The following SETD5 variants were observed in gnomAD, a reference collection of about 807,000 sequenced individuals.
The protein encoded by SETD5 is histone-lysine N-methyltransferase SETD5.
SETD5 carries 44 observed loss-of-function variants against 153.3 expected under a neutral mutation model. The observed-to-expected ratio is 0.29, with a 90% confidence interval of 0.23 to 0.37. The LOEUF (loss-of-function observed/expected upper bound fraction) is 0.37, where lower values mean the gene tolerates loss of function less well. Ranked by LOEUF, SETD5 falls within the 10% of genes least tolerant of loss-of-function variation. The probability of loss-of-function intolerance (pLI) is 1.00; values close to 1 mark genes in which losing one functional copy is unlikely to be tolerated. For missense variants in SETD5, 1,544 were observed against 1,768.0 expected, an observed-to-expected ratio of 0.87 and a Z score of 2.27; for synonymous variants, 716 against 645.2, an observed-to-expected ratio of 1.11 and a Z score of -1.66.
At chr3:9,415,593 T>A (rs2037293397) in intron 1 of SETD5, among the ~76,000 whole-genome samples, 1 of 152,090 alleles carries the variant, frequency 6.6e-6, no homozygotes, top group Non-Finnish European at 1.5e-5. Context: ...ATTATTTTTT[T>A]AATTTTAGAG....
At chr3:9,454,650 A>AAAAAAAAAAAAC (rs2043017893) in intron 17 of SETD5, among the ~76,000 whole-genome samples, 1 of 119,860 alleles carries the variant, frequency 8.3e-6, no homozygotes, top group Non-Finnish European at 1.8e-5. Context: ...AAAAAAAAAA[A>AAAAAAAAAAAAC]CAAATTTTTT....
intron 1 of SETD5, among the ~76,000 whole-genome samples, chr3:9,418,147 A>G (rs948451954): frequency 2.7e-5 from 4 of 149,938 alleles, no homozygotes; most frequent in African/African-American, 9.8e-5. Flanking sequence ...ACGGAGTTTC[A>G]CCGTGTTAGC....
At chr3:9,404,394 T>C (rs1483939335) in intron 1 of SETD5, among the ~76,000 whole-genome samples, 7 of 152,236 alleles carry the variant, frequency 4.6e-5, no homozygotes. Context: ...GATATAATAT[T>C]TCGACCAAAA....
At chr3:9,405,312 G>T (rs2035480466) in intron 1 of SETD5, among the ~76,000 whole-genome samples, 1 of 152,134 alleles carries the variant, frequency 6.6e-6, no homozygotes, top group Admixed American at 6.5e-5. Context: ...ATTTGTTTTG[G>T]AAAATACTAA....
intron 1 of SETD5, among the ~76,000 whole-genome samples, chr3:9,400,015 C>G (rs925974161): frequency 6.6e-6 from 1 of 152,138 alleles, no homozygotes; most frequent in Non-Finnish European, 1.5e-5. Context: ...AGTGCAGCGT[C>G]CATTAATGCT....
At chr3:9,474,957 A>G (rs2045704979) in intron 21 of SETD5, 111 bp from the exon 22 acceptor site, 5 of 948,406 alleles carry the variant, frequency 5.3e-6, no homozygotes, top group African/African-American at 5.0e-5. Context: ...ATTTGTCACA[A>G]AGAGAGCAGT....
At chr3:9,409,274 G>A (rs1167129004) in intron 1 of SETD5, among the ~76,000 whole-genome samples, 1 of 151,866 alleles carries the variant, frequency 6.6e-6, no homozygotes, top group Admixed American at 6.6e-5. Flanking sequence ...ATTTTTATTT[G>A]GCTATACTAA....
intron 1 of SETD5, among the ~76,000 whole-genome samples, chr3:9,411,529 G>C (rs556768547): frequency 2.6e-5 from 4 of 152,314 alleles, no homozygotes; most frequent in African/African-American, 9.6e-5. Context: ...TAGTGATTAA[G>C]AATGTGAGGA....
Position 9,476,020 on chromosome 3 carries a change from G to A in SETD5, c.4258G>A (p.Gly1420Arg). 1.9e-6 allele frequency: 3 copies of A among 1,614,044 alleles called. No individual in the cohort carries two copies. Among genetic ancestry groups the A allele is most frequent in the East Asian group, 2.2e-5 (1 of 44,880 alleles). The part of the protein sequence containing the change: ...NSQHYPHRGS[G>R]GVHQYRLQPL... ...ACAGCACTACCCACACCGTGGGAGT[G>A]GGGGTGTGCACCAGTACCGACTCCA... The change falls in exon 23 of 23, where the codon GGG (glycine) becomes AGG (arginine). Residue 1420 changes from glycine (G) to arginine (R), a missense_variant. This residue lies in a region of SETD5 where 302 missense variants were observed against 277.6 expected (regional missense o/e 1.09). Transcript: ENST00000402198.
chr3:9,408,705 C>G (rs1461886245), intron 1 of SETD5, among the ~76,000 whole-genome samples: 5 of 152,080 alleles, frequency 3.3e-5, no homozygotes, highest in Non-Finnish European at 5.9e-5. Flanking sequence ...TTAAGAGTTA[C>G]ATAATTTCTG....
chr3:9,462,643 C>T (rs2044110227), intron 17 of SETD5, among the ~76,000 whole-genome samples: 1 of 151,058 alleles, frequency 6.6e-6, no homozygotes, highest in Admixed American at 6.6e-5. Context: ...CGTGGTGGCT[C>T]ATGGCTGTAA....
chr3:9,446,878 C>T (rs1214659898), intron 13 of SETD5, among the ~76,000 whole-genome samples, 172 bp from the exon 14 acceptor site: 2 of 152,168 alleles, frequency 1.3e-5, no homozygotes, highest in African/African-American at 4.8e-5. Context: ...AACTATTCCC[C>T]ACATTTAAAA....
Position 9,433,298 on chromosome 3 carries a change from T to C in SETD5, c.72-547T>C, listed in dbSNP as rs574496371. 5.5e-4 allele frequency: 556 copies of C among 1,019,628 alleles called. 2 individuals are homozygous for C. In the South Asian group the frequency reaches 6.9e-3, roughly 13 times the overall value. The allele number at this position is 1,019,628 out of a possible 1,614,324, so 63.2% of individuals were successfully genotyped here. A position where few individuals can be genotyped will look rare whatever the true frequency, so the allele number is the denominator to read the frequency against. ...AATTATTACTCTAATATTTGAAAGGTGTTGGGGGTTCATCAAGATGAGAGG... is the reference window on the plus strand; with the variant it reads ...AATTATTACTCTAATATTTGAAAGGCGTTGGGGGTTCATCAAGATGAGAGG... On this transcript the variant is annotated intron_variant, in intron 3 of 22. Transcript: ENST00000402198.
At chr3:9,431,380 C>T (rs1451594783) in intron 3 of SETD5, 1 of 984,822 alleles carries the variant, frequency 1.0e-6, no homozygotes, top group African/African-American at 1.7e-5. Context: ...AGAAGAAAGC[C>T]TGTAATTACA....
In SETD5 at chr3:9,470,443, AT is replaced by A; in HGVS notation, c.2725-11del. On this transcript the variant is annotated splice_polypyrimidine_tract_variant and intron_variant, in intron 18 of 22. Transcript: ENST00000402198. ...TCTCCCCTACCCCATGTCTCCGTTG[AT>A]TTTTATTCTTTCAGCTTTGTCACCG... 1 of 1,598,424 alleles carries A rather than the reference AT, an allele frequency of 6.3e-7. No homozygotes were observed. Among genetic ancestry groups the A allele is most frequent in the Non-Finnish European group, 8.6e-7 (1 of 1,169,372 alleles).
At chr3:9,468,660 G>C in intron 18 of SETD5, 1 of 1,221,394 alleles carries the variant, frequency 8.2e-7, no homozygotes, top group Non-Finnish European at 1.1e-6. Flanking sequence ...GGAGGGCTGG[G>C]GATCTGAGTC....
chr3:9,456,505 C>G (rs1253929905), intron 17 of SETD5, among the ~76,000 whole-genome samples: 1 of 150,512 alleles, frequency 6.6e-6, no homozygotes, highest in Non-Finnish European at 1.5e-5. Context: ...AAACAAGTCT[C>G]TGAGCCTCAT....
At chr3:9,419,113 C>T (rs972588167) in intron 1 of SETD5, among the ~76,000 whole-genome samples, 1 of 152,168 alleles carries the variant, frequency 6.6e-6, no homozygotes, top group Non-Finnish European at 1.5e-5. Flanking sequence ...AGGCATGAGC[C>T]ACCACACCCG....
chr3:9,470,884 T>G lies in SETD5; in HGVS notation c.3150T>G (p.Cys1050Trp). 2 of 1,608,950 alleles carry G rather than the reference T, an allele frequency of 1.2e-6. No homozygotes were observed. Among genetic ancestry groups the G allele is most frequent in the Non-Finnish European group, 1.7e-6 (2 of 1,177,380 alleles). Residue 1050 changes from cysteine to tryptophan, a missense_variant, in exon 19 of 23, where the codon TGT becomes TGG. Cys to Trp is a radical substitution (Grantham distance 215, BLOSUM62 -2). Transcript: ENST00000402198. ...TGTCACCTGGTGGTGAAAGGGCCTG[T>G]GAAGGAGTCCCATCTGCCCCCCAGA... ...GSLSPGGERACEGVPSAPQNP... is the reference protein window; with the variant it reads ...GSLSPGGERAWEGVPSAPQNP...
Sources: allele counts gnomAD v4.1 joint callset (sites outside exome capture counted in the v4.1 genomes callset), GRCh38; gene constraint gnomAD v4.1.1; regional missense constraint gnomAD v4.1.1; transcripts MANE v1.5; gene names NCBI Gene and HGNC (gene_info 2026-07-23, HGNC 2026-07-21).